CCDC134: variants seen among roughly 807,000 people sequenced by gnomAD.
CCDC134 encodes the protein coiled-coil domain containing 134, also known as coiled-coil domain-containing protein 134.
A neutral mutation model predicts 25.6 loss-of-function variants in CCDC134; 27 were observed. That is an observed-to-expected ratio of 1.05 (90% CI 0.78 to 1.45). CCDC134 has a LOEUF of 1.45. Among genes scored for constraint, CCDC134 ranks in the 40% most tolerant of loss-of-function variants. CCDC134 has a pLI of 0.00. For synonymous variants in CCDC134, 110 were observed against 115.0 expected (o/e 0.96, Z 0.28); for missense variants, 261 against 286.7 (o/e 0.91, Z 0.65).
chr22:41,811,482 G>A (rs1349036686), intron 4 of CCDC134, among the ~76,000 whole-genome samples: 1 of 152,104 alleles, frequency 6.6e-6, no homozygotes, highest in African/African-American at 2.4e-5. Context: ...AGGCTGGAGT[G>A]CAGTGACACA....
chr22:41,817,902 T>C (rs1239961375), intron 6 of CCDC134, among the ~76,000 whole-genome samples: 1 of 152,168 alleles, frequency 6.6e-6, no homozygotes, highest in Non-Finnish European at 1.5e-5. Flanking sequence ...GTGATACCTT[T>C]TAATTCAGGC....
Position 41,826,173 on chromosome 22 carries a change from C to T in CCDC134, c.*350C>T. On this transcript the variant is annotated 3_prime_UTR_variant, in exon 7 of 7. Coordinates refer to ENST00000255784, the MANE Select transcript of CCDC134 (RefSeq NM_024821.5). ...CGCCCTTGGTGGGGAAGCAGCAGAA[C>T]TAGGTTCTGAGCCACGGGTCAGGGT... 4.5e-6 allele frequency: 1 copy of T among 221,662 alleles called. No individual in the cohort carries two copies. The highest frequency in any genetic ancestry group is 5.1e-5 in the Admixed American group (1 of 19,644). 13.7% of individuals were successfully genotyped at this position (221,662 alleles called of 1,614,324 possible).
rs907640935 is a variant in CCDC134 at position 41,829,308 on chromosome 22, C to T, written c.*3485C>T. 6.6e-6 allele frequency among the ~76,000 whole-genome samples: 1 copy of T among 152,210 alleles called. No homozygotes were observed. Among genetic ancestry groups the T allele is most frequent in the African/African-American group, 2.4e-5 (1 of 41,460 alleles). ...GTAGTTCTCTGCTGTCAAGTCTGAG[C>T]TGACTCTCTCTTCCGGATTCTTCTT... On this transcript the variant is annotated 3_prime_UTR_variant, in exon 7 of 7. Transcript: ENST00000255784.
rs1250315717 is a variant in CCDC134 at position 41,808,913 on chromosome 22, C to A, written c.23C>A (p.Ala8Asp). MDLLQFL[A>D]FLFVLLLSGM... ...GATATGGACCTTCTTCAATTCCTGG[C>A]CTTCCTCTTTGTCCTGCTTTTGTCT... The change falls in exon 2 of 7, where the codon GCC (alanine) becomes GAC (aspartate). Residue 8 changes from alanine to aspartate, a missense_variant. By Grantham distance (126) the Ala-to-Asp change is moderately radical. Transcript: ENST00000255784. 6.2e-7 allele frequency: 1 copy of A among 1,614,194 alleles called. No homozygotes were observed. The highest frequency in any genetic ancestry group is 2.2e-5 in the East Asian group (1 of 44,882).
intron 6 of CCDC134, among the ~76,000 whole-genome samples, chr22:41,824,268 C>T (rs577246381): frequency 3.9e-5 from 6 of 152,196 alleles, no homozygotes; most frequent in South Asian, 4.1e-4. Context: ...TTGGAAAGAG[C>T]GTTCTGGGCC....
At chr22:41,819,963 TTATATATATATATA>T (rs34213936) in intron 6 of CCDC134, among the ~76,000 whole-genome samples, 21 of 82,620 alleles carry the variant, frequency 2.5e-4, no homozygotes, top group Middle Eastern at 0.015. Flanking sequence ...ACTTACCACT[TTATATATATATATA>T]TATATATATA....
intron 6 of CCDC134, 59 bp downstream of exon 6, chr22:41,813,881 G>T: frequency 6.6e-7 from 1 of 1,509,392 alleles, no homozygotes; most frequent in South Asian, 1.1e-5. Context: ...ATAGGACACC[G>T]AGGCCTGCAG....
Position 41,825,969 on chromosome 22 carries a change from A to G in CCDC134, c.*146A>G. ...GCCCGGCCCCCTGGAGCTGGGTCTG[A>G]GCCCCAGCTGAAGGGACTGAGCCTC... On this transcript the variant is annotated 3_prime_UTR_variant, in exon 7 of 7. Coordinates refer to ENST00000255784, the MANE Select transcript of CCDC134 (RefSeq NM_024821.5). This position sits in a 1 kb window ranked among gnomAD's most constrained non-coding sequence, Gnocchi z 4.4. 1 of 1,157,320 alleles carries G rather than the reference A, an allele frequency of 8.6e-7. No individual in the cohort carries two copies. The highest frequency in any genetic ancestry group is 1.2e-6 in the Non-Finnish European group (1 of 813,876). 71.7% of individuals were successfully genotyped at this position (1,157,320 alleles called of 1,614,324 possible).
At chr22:41,804,128 T>C (rs960817328) in intron 1 of CCDC134, among the ~76,000 whole-genome samples, 1 of 151,952 alleles carries the variant, frequency 6.6e-6, no homozygotes, top group Admixed American at 6.6e-5. Flanking sequence ...GCCAGACTCC[T>C]ACTCAAAAAA....
At chr22:41,819,392 T>A (rs150623459) in intron 6 of CCDC134, among the ~76,000 whole-genome samples, 11 of 152,294 alleles carry the variant, frequency 7.2e-5, no homozygotes, top group African/African-American at 2.4e-4. Context: ...GACCCAGCCT[T>A]GGCAGGGAGG....
chr22:41,806,693 C>T (rs1367249965), intron 1 of CCDC134, among the ~76,000 whole-genome samples: 6 of 152,128 alleles, frequency 3.9e-5, no homozygotes, highest in African/African-American at 1.4e-4. Flanking sequence ...TTTCATCAGA[C>T]ACAGGCAGAG....
Position 41,813,278 on chromosome 22 carries a change from G to A in CCDC134, c.325G>A (p.Val109Met). 1.2e-6 allele frequency: 2 copies of A among 1,614,206 alleles called. No homozygotes were observed. Among genetic ancestry groups the A allele is most frequent in the Non-Finnish European group, 1.7e-6 (2 of 1,180,042 alleles). Residue 109 changes from valine to methionine, a missense_variant, in exon 5 of 7, where the codon GTG becomes ATG. Transcript: ENST00000255784. ...CCTCTCGCCAGCTTTCTCCCACGTG[G>A]TGGAGAACACGGCCTTCTTCGGCGA... is the stretch of plus-strand genomic sequence containing the variant. ...EKLKDAFSHV[V>M]ENTAFFGDVV...
rs992577201 is a variant in CCDC134, at chr22:41,829,082, C to T, written c.*3259C>T. ...TTAGCAGCATCCCGGCCTCTCCCTG[C>T]CAGGTGCCTGTAGCAGTCCCCCAGT... On this transcript the variant is annotated 3_prime_UTR_variant, in exon 7 of 7. Coordinates refer to ENST00000255784, the MANE Select transcript of CCDC134 (RefSeq NM_024821.5). Among the ~76,000 whole-genome samples, 6 of 152,180 alleles carry T rather than the reference C, an allele frequency of 3.9e-5. No individual in the cohort carries two copies. The highest frequency in any genetic ancestry group is 1.2e-4 in the African/African-American group (5 of 41,442).
In CCDC134 at chr22:41,827,759, T is replaced by C. The variant is rs1324418648; in HGVS notation, c.*1936T>C. On this transcript the variant is annotated 3_prime_UTR_variant, in exon 7 of 7. Coordinates refer to ENST00000255784, the MANE Select transcript of CCDC134 (RefSeq NM_024821.5). ...TGCCTCCAGACCCTATTTTCCTGCA[T>C]CAACGGGAAAGGGTCAGATTCACTG... is the stretch of plus-strand genomic sequence containing the variant. Among the ~76,000 whole-genome samples, 1 of 152,198 alleles carries C rather than the reference T, an allele frequency of 6.6e-6. No homozygotes were observed. Among genetic ancestry groups the C allele is most frequent in the African/African-American group, 2.4e-5 (1 of 41,448 alleles).
In CCDC134 at chr22:41,803,317, G is replaced by C. The variant is rs533948643; in HGVS notation, c.-17+2551G>C. Reference sequence around the variant, plus strand: ...TTGAGCAGCAAGGGAGGTTTGGAAGGAGTGGCTCTCAAGGTATGTCTACCT... The same window carrying C: ...TTGAGCAGCAAGGGAGGTTTGGAAGCAGTGGCTCTCAAGGTATGTCTACCT... On this transcript the variant is annotated intron_variant, in intron 1 of 6. Coordinates refer to ENST00000255784, the MANE Select transcript of CCDC134 (RefSeq NM_024821.5). Among the ~76,000 whole-genome samples, 11 of 152,270 alleles carry C rather than the reference G, an allele frequency of 7.2e-5. No homozygotes were observed. The South Asian group carries it at 2.3e-3, about 32-fold the overall frequency.
At position 41,827,839 on chromosome 22, in the gene CCDC134, A is replaced by G. The variant is rs1337047821; in HGVS notation, c.*2016A>G. The stretch of plus-strand genomic sequence containing the variant: ...GCAGCTGGAGCTGGGTGTCAGGACC[A>G]GCCCGCAAGCTCTTCCCTGCCGGAA... On this transcript the variant is annotated 3_prime_UTR_variant, in exon 7 of 7. Coordinates refer to ENST00000255784, the MANE Select transcript of CCDC134 (RefSeq NM_024821.5). Among the ~76,000 whole-genome samples the G allele has an allele frequency of 1.3e-5, 2 of 152,228 alleles. No homozygotes were observed. The highest frequency in any genetic ancestry group is 4.8e-5 in the African/African-American group (2 of 41,460).
intron 1 of CCDC134, among the ~76,000 whole-genome samples, chr22:41,801,169 C>T (rs2076541054): frequency 6.6e-6 from 1 of 152,218 alleles, no homozygotes; most frequent in South Asian, 2.1e-4. Flanking sequence ...TGCCAGCTGT[C>T]TGGTATTCTC....
intron 4 of CCDC134, among the ~76,000 whole-genome samples, 178 bp from the exon 5 acceptor site, chr22:41,813,086 T>C (rs1198389601): frequency 6.6e-6 from 1 of 152,152 alleles, no homozygotes; most frequent in Non-Finnish European, 1.5e-5. Flanking sequence ...AGTGAGCTGG[T>C]GGATGTAAGG....
At chr22:41,804,866 T>C (rs1284275870) in intron 1 of CCDC134, among the ~76,000 whole-genome samples, 1 of 152,202 alleles carries the variant, frequency 6.6e-6, no homozygotes, top group East Asian at 1.9e-4. Flanking sequence ...GGCCAGGAGT[T>C]CGAGACCAGC....
Sources: allele counts gnomAD v4.1 joint callset (sites outside exome capture counted in the v4.1 genomes callset), GRCh38; gene constraint gnomAD v4.1.1; non-coding constraint Gnocchi (gnomAD v3.1); transcripts MANE v1.5; gene names NCBI Gene and HGNC (gene_info 2026-07-23, HGNC 2026-07-21).